Variants in BCL2L11 observed in about 807,000 individuals in gnomAD.
BCL2L11 encodes the protein BCL2 like 11.
A neutral mutation model predicts 20.6 loss-of-function variants in BCL2L11; 15 were observed. The observed-to-expected ratio is 0.73, with a 90% CI of 0.49 to 1.12. The LOEUF (loss-of-function observed/expected upper bound fraction) is 1.12. Ranked by LOEUF, BCL2L11 falls within the 50% of genes most tolerant of loss-of-function variation. The pLI, the probability that BCL2L11 is intolerant of heterozygous loss-of-function variation, is 0.00. For synonymous variants in BCL2L11, 108 were observed against 92.8 expected, an observed-to-expected ratio of 1.16 and a Z score of -0.94; for missense variants, 292 against 260.9, an observed-to-expected ratio of 1.12 and a Z score of -0.82.
intron 2 of BCL2L11, among the ~76,000 whole-genome samples, chr2:111,143,867 A>G (rs968178170): frequency 5.3e-5 from 8 of 152,350 alleles, no homozygotes; most frequent in African/African-American, 1.7e-4. Flanking sequence ...GTAAAAAGGC[A>G]TAACACATTA....
chr2:111,148,339 A>G (rs569066224), intron 2 of BCL2L11, among the ~76,000 whole-genome samples: 5 of 152,292 alleles, frequency 3.3e-5, no homozygotes, highest in Admixed American at 1.3e-4. Context: ...CCTAAGGGCG[A>G]ACTAACTTGT....
chr2:111,128,319 A>G (rs1431513679), intron 2 of BCL2L11, among the ~76,000 whole-genome samples: 2 of 152,100 alleles, frequency 1.3e-5, no homozygotes, highest in African/African-American at 4.8e-5. Context: ...TGTATATCAC[A>G]TACTTCATTT....
At chr2:111,137,554 C>T (rs1325348921) in intron 2 of BCL2L11, among the ~76,000 whole-genome samples, 2 of 152,046 alleles carry the variant, frequency 1.3e-5, no homozygotes, top group Non-Finnish European at 2.9e-5. Context: ...TGGTCCTGTG[C>T]TGACTGTAAG....
intron 2 of BCL2L11, chr2:111,131,296 A>G (rs1055048370): frequency 4.0e-5 from 6 of 150,548 alleles, no homozygotes; most frequent in Non-Finnish European, 8.9e-5. Context: ...TTTTTGTAGG[A>G]TTGTTCAGGT....
At chr2:111,138,012 C>CTTTTTTTTTTTTTTT (rs66601807) in intron 2 of BCL2L11, among the ~76,000 whole-genome samples, 1 of 127,144 alleles carries the variant, frequency 7.9e-6, no homozygotes, top group African/African-American at 3.0e-5. Context: ...TTCTTTCTTT[C>CTTTTTTTTTTTTTTT]TTTTTTTTTT....
At chr2:111,158,104 C>T (rs2078098768) in intron 3 of BCL2L11, among the ~76,000 whole-genome samples, 1 of 152,246 alleles carries the variant, frequency 6.6e-6, no homozygotes, top group Admixed American at 6.5e-5. Context: ...AATACCAGCT[C>T]AGCTGCCGTT....
chr2:111,139,959 T>G (rs189721101), intron 2 of BCL2L11, among the ~76,000 whole-genome samples: 1 of 152,328 alleles, frequency 6.6e-6, no homozygotes, highest in African/African-American at 2.4e-5. Context: ...GAGGCAGCAG[T>G]GAGGGCTTCC....
At chr2:111,139,162 G>A (rs1300441387) in intron 2 of BCL2L11, among the ~76,000 whole-genome samples, 1 of 152,162 alleles carries the variant, frequency 6.6e-6, no homozygotes, top group Non-Finnish European at 1.5e-5. Flanking sequence ...CCTGGAGGGG[G>A]GCGTGGGAAG....
At chr2:111,123,604 C>A in intron 1 of BCL2L11, 129 bp from the exon 2 acceptor site, 1 of 1,213,042 alleles carries the variant, frequency 8.2e-7, no homozygotes, top group Non-Finnish European at 1.0e-6. Flanking sequence ...GGGAGATTGT[C>A]AGAAAAGTAT....
Position 111,167,109 on chromosome 2 carries a change from T to C in BCL2L11, c.*2878T>C, listed in dbSNP as rs1357348058. On this transcript the variant is annotated 3_prime_UTR_variant, in exon 4 of 4. Coordinates refer to ENST00000393256, the MANE Select transcript of BCL2L11 (RefSeq NM_138621.5). Reference sequence around the variant, plus strand: ...GAAATATTGTATATTTATTTTCTGCTTATTTAATGTCTTAATTTCTGAAAA... The same window carrying C: ...GAAATATTGTATATTTATTTTCTGCCTATTTAATGTCTTAATTTCTGAAAA... 6.5e-6 allele frequency: 1 copy of C among 152,690 alleles called. No homozygotes were observed. The highest frequency in any genetic ancestry group is 1.5e-5 in the Non-Finnish European group (1 of 68,046). 9.5% of individuals were successfully genotyped at this position (152,690 alleles called of 1,614,324 possible).
chr2:111,156,139 C>A (rs1038586609), intron 3 of BCL2L11, among the ~76,000 whole-genome samples: 1 of 134,492 alleles, frequency 7.4e-6, no homozygotes, highest in Non-Finnish European at 1.6e-5. Context: ...GGTAATTGCA[C>A]AAACTGAACA....
At position 111,124,120 on chromosome 2, in the gene BCL2L11, C is replaced by T. The variant is rs2071916697; in HGVS notation, c.375C>T (p.Asn125=). The T allele has an allele frequency of 1.9e-6, 3 of 1,611,496 alleles. No individual in the cohort carries two copies. The highest frequency in any genetic ancestry group is 2.5e-6 in the Non-Finnish European group (3 of 1,178,920). Residue 125 remains asparagine (N), a synonymous_variant, in exon 2 of 4, where the codon AAC becomes AAT. Transcript: ENST00000393256. ...QTPSPPCQAF[N]HYLSAMASMR... is the part of the protein sequence containing the mutation. ...CAAGTCCTCCTTGCCAGGCCTTCAACCACTATCTCAGTGCAATGGGTAAGC... is the reference window on the plus strand; with the variant it reads ...CAAGTCCTCCTTGCCAGGCCTTCAATCACTATCTCAGTGCAATGGGTAAGC...
chr2:111,158,687 C>A (rs1037221645), intron 3 of BCL2L11, among the ~76,000 whole-genome samples: 11 of 152,002 alleles, frequency 7.2e-5, no homozygotes, highest in Non-Finnish European at 1.3e-4. Flanking sequence ...TATAGGTATA[C>A]CTTGTTTTTG....
At chr2:111,152,923 A>G (rs190139417) in intron 3 of BCL2L11, among the ~76,000 whole-genome samples, 6 of 152,366 alleles carry the variant, frequency 3.9e-5, no homozygotes, top group African/African-American at 1.4e-4. Context: ...TCTTTTGCAT[A>G]TCTTAAAAAT....
At chr2:111,161,281 A>AG (rs2078515500) in intron 3 of BCL2L11, 1 of 1,072,230 alleles carries the variant, frequency 9.3e-7, no homozygotes, top group Admixed American at 2.0e-5. Flanking sequence ...AAGTTTCAGG[A>AG]GGGAGTGGAG....
chr2:111,143,070 T>C (rs2076062454), intron 2 of BCL2L11, among the ~76,000 whole-genome samples: 1 of 152,236 alleles, frequency 6.6e-6, no homozygotes, highest in African/African-American at 2.4e-5. Context: ...AGGGTTGGTC[T>C]TCTTTTAGCT....
intron 1 of BCL2L11, chr2:111,122,844 G>C: frequency 1.0e-6 from 1 of 985,460 alleles, no homozygotes; most frequent in African/African-American, 1.7e-5. Flanking sequence ...GGGGGCGCCC[G>C]GTCGGCGAAG....
chr2:111,144,067 A>G lies in BCL2L11; in HGVS notation c.395-5977A>G, dbSNP rs550024494. Among the ~76,000 whole-genome samples, 5 of 152,322 alleles carry G rather than the reference A, an allele frequency of 3.3e-5. No homozygotes were observed. In the South Asian group the frequency reaches 8.3e-4, roughly 25 times the overall value. ...TTTTGACCATGGCTCCATAAAGGCA[A>G]TGGGCAGTGCACGTTGAAAGAGTAA... On this transcript the variant is annotated intron_variant, in intron 2 of 3. Transcript: ENST00000393256.
At position 111,146,686 on chromosome 2, in the gene BCL2L11, C is replaced by A. The variant is rs73954960; in HGVS notation, c.395-3358C>A. Among the ~76,000 whole-genome samples the A allele has an allele frequency of 3.9e-3, 587 of 152,308 alleles. 3 individuals are homozygous for A. Among genetic ancestry groups the A allele is most frequent in the African/African-American group, 0.014 (563 of 41,552 alleles). ...TTGATTTCATGTGGTGTGAGACTCA[C>A]TAACATTGAATTAGTGATGAAGTTA... On this transcript the variant is annotated intron_variant, in intron 2 of 3. Transcript: ENST00000393256.
Sources: gnomAD v4.1 joint callset for allele counts (sites outside exome capture counted in the v4.1 genomes callset) on GRCh38, gnomAD v4.1.1 for gene constraint, MANE v1.5 for transcripts, NCBI Gene and HGNC (gene_info 2026-07-23, HGNC 2026-07-21) for gene names.